SLC4A4: variants seen among roughly 807,000 people sequenced by gnomAD.
SLC4A4 encodes electrogenic sodium bicarbonate cotransporter 1.
Under a neutral mutation model 111.5 loss-of-function variants are expected in SLC4A4, and 27 were observed. The observed-to-expected ratio is 0.24, with a 90% confidence interval of 0.18 to 0.33. The LOEUF (loss-of-function observed/expected upper bound fraction) is 0.33, where lower values mean the gene tolerates loss of function less well. Ranked by LOEUF, SLC4A4 falls within the 10% of genes least tolerant of loss-of-function variation. The probability of loss-of-function intolerance (pLI) is 1.00; values close to 1 mark genes in which losing one functional copy is unlikely to be tolerated. For missense variants in SLC4A4, 909 were observed against 1,315.5 expected, an observed-to-expected ratio of 0.69 and a Z score of 4.78; for synonymous variants, 443 against 463.4, an observed-to-expected ratio of 0.96 and a Z score of 0.57.
chr4:71,218,449 A>C (rs1158107590), intron 1 of SLC4A4, among the ~76,000 whole-genome samples: 1 of 152,158 alleles, frequency 6.6e-6, no homozygotes, highest in Non-Finnish European at 1.5e-5. Context: ...ATCACTTTAT[A>C]TTTATTATTT....
intron 2 of SLC4A4, among the ~76,000 whole-genome samples, chr4:71,136,387 C>T (rs1743843196): frequency 6.6e-6 from 1 of 152,180 alleles, no homozygotes; most frequent in South Asian, 2.1e-4. Context: ...CAGAAGTTCA[C>T]CTGCCACTTG....
At chr4:71,297,418 G>A (rs1003948515) in intron 3 of SLC4A4, among the ~76,000 whole-genome samples, 5 of 151,708 alleles carry the variant, frequency 3.3e-5, no homozygotes, top group African/African-American at 1.2e-4. Context: ...GAAACTGTCT[G>A]TCCTTTGTTT....
chr4:71,119,512 G>T (rs28895309), intron 2 of SLC4A4, among the ~76,000 whole-genome samples: 4,239 of 152,194 alleles, frequency 0.028, 77 homozygotes, highest in Middle Eastern at 0.058. Flanking sequence ...CTCCCAAGTT[G>T]CTGGGACTAC....
chr4:71,086,919 C>G (rs923155370), intron 1 of SLC4A4, among the ~76,000 whole-genome samples: 12 of 151,908 alleles, frequency 7.9e-5, no homozygotes, highest in Admixed American at 7.9e-4. Context: ...GCTGGCCTCA[C>G]AAAATGAGTT....
intron 1 of SLC4A4, among the ~76,000 whole-genome samples, chr4:71,207,153 C>T (rs1007329302): frequency 6.6e-6 from 1 of 152,104 alleles, no homozygotes; most frequent in African/African-American, 2.4e-5. Context: ...GTGATGCCTG[C>T]TCATAAGATA....
chr4:71,261,962 T>C (rs1053890632), intron 3 of SLC4A4, among the ~76,000 whole-genome samples: 1 of 152,160 alleles, frequency 6.6e-6, no homozygotes, highest in African/African-American at 2.4e-5. Flanking sequence ...GAAACCAGAA[T>C]ACTGTGCAGA....
chr4:71,253,739 T>C (rs1721243284), intron 2 of SLC4A4, among the ~76,000 whole-genome samples: 1 of 152,190 alleles, frequency 6.6e-6, no homozygotes, highest in Non-Finnish European at 1.5e-5. Flanking sequence ...TTACACATGA[T>C]AGATACACTT....
At chr4:71,085,255 T>C (rs979410941) in intron 1 of SLC4A4, among the ~76,000 whole-genome samples, 4 of 151,892 alleles carry the variant, frequency 2.6e-5, no homozygotes, top group African/African-American at 9.7e-5. Context: ...TGGGTTTGTT[T>C]GTTTTTTTCT....
rs934606592 is a variant in SLC4A4, at chr4:71,171,105, T to C, written c.-1-65471T>C. ...CCAAGCTAAATAACATGGATTTCAT[T>C]CAACAGTTGATGAAGAATTACTGAA... On this transcript the variant is annotated intron_variant, in intron 2 of 26. Coordinates refer to the SLC4A4 transcript ENST00000649996. Among the ~76,000 whole-genome samples, 6 of 152,114 alleles carry C rather than the reference T, an allele frequency of 3.9e-5. No homozygotes were observed. In the South Asian group the frequency reaches 6.2e-4, roughly 16 times the overall value.
At chr4:71,512,804 G>A (rs1354347246) in intron 16 of SLC4A4, among the ~76,000 whole-genome samples, 2 of 152,108 alleles carry the variant, frequency 1.3e-5, no homozygotes, top group Non-Finnish European at 2.9e-5. Context: ...TTGAGTTGAT[G>A]TTTGCATATG....
At chr4:71,206,335 A>G (rs1717763051) in intron 1 of SLC4A4, among the ~76,000 whole-genome samples, 1 of 152,178 alleles carries the variant, frequency 6.6e-6, no homozygotes, top group African/African-American at 2.4e-5. Flanking sequence ...AATCTCATGA[A>G]ACTATAGCCA....
intron 6 of SLC4A4, among the ~76,000 whole-genome samples, chr4:71,364,011 G>A (rs774162459): frequency 2.6e-5 from 4 of 152,046 alleles, no homozygotes; most frequent in Non-Finnish European, 5.9e-5. Flanking sequence ...TTTTCCAAAT[G>A]CATAATGTTC....
At chr4:71,193,345 G>C (rs1745830187) in intron 1 of SLC4A4, among the ~76,000 whole-genome samples, 1 of 152,140 alleles carries the variant, frequency 6.6e-6, no homozygotes, top group Non-Finnish European at 1.5e-5. Flanking sequence ...ATTTTTAGTA[G>C]AGACAGGGTT....
rs1737653526 is a variant in SLC4A4 at position 71,568,003 on chromosome 4, A to G, written c.*252A>G. The G allele has an allele frequency of 2.6e-5, 18 of 681,854 alleles. No individual in the cohort carries two copies. The South Asian group carries it at 3.1e-4, about 12-fold the overall frequency. 42.2% of individuals were successfully genotyped at this position (681,854 alleles called of 1,614,324 possible). ...TCGTCTCAGTTTTTGGTCACAGGCC[A>G]AATAATACAGCGCTCTCTCTGCTTC... On this transcript the variant is annotated 3_prime_UTR_variant, in exon 26 of 26. Coordinates refer to ENST00000264485, the MANE Select transcript of SLC4A4 (RefSeq NM_001098484.3).
chr4:71,133,596 A>G (rs918142284), intron 2 of SLC4A4, among the ~76,000 whole-genome samples: 1 of 152,224 alleles, frequency 6.6e-6, no homozygotes, highest in Non-Finnish European at 1.5e-5. Context: ...GTGCAAACGC[A>G]GAAGTCCCAG....
chr4:71,440,570 G>A, intron 7 of SLC4A4, 46 bp from the exon 8 acceptor site: 1 of 1,611,200 alleles, frequency 6.2e-7, no homozygotes, highest in Middle Eastern at 1.7e-4. Flanking sequence ...AATTCCACAG[G>A]AACCTTGTGG....
At chr4:71,096,729 T>G (rs1742567757) in intron 2 of SLC4A4, among the ~76,000 whole-genome samples, 1 of 152,176 alleles carries the variant, frequency 6.6e-6, no homozygotes, top group Admixed American at 6.6e-5. Context: ...TTTGTTCATC[T>G]AGAAAGAAGG....
intron 3 of SLC4A4, among the ~76,000 whole-genome samples, chr4:71,290,313 C>A (rs1267560754): frequency 2.0e-5 from 3 of 152,136 alleles, no homozygotes; most frequent in Non-Finnish European, 4.4e-5. Flanking sequence ...ACCTTAGAAG[C>A]AGCTGCCAGC....
chr4:71,254,791 T>A (rs142684620), intron 2 of SLC4A4, among the ~76,000 whole-genome samples: 25 of 152,116 alleles, frequency 1.6e-4, no homozygotes, highest in Admixed American at 5.2e-4. Flanking sequence ...CATAGACTCA[T>A]GTAAGGCTGA....
Sources: gnomAD v4.1 joint callset for allele counts (sites outside exome capture counted in the v4.1 genomes callset) on GRCh38, gnomAD v4.1.1 for gene constraint, MANE v1.5 for transcripts, NCBI Gene and HGNC (gene_info 2026-07-23, HGNC 2026-07-21) for gene names.